AHI1: variants seen among roughly 807,000 people sequenced by gnomAD.
AHI1 encodes jouberin.
A neutral mutation model predicts 149.3 loss-of-function variants in AHI1; 123 were observed. The ratio of observed to expected loss-of-function variants is 0.82; its 90% CI spans 0.71 to 0.96. The LOEUF (loss-of-function observed/expected upper bound fraction) is 0.96, where lower values mean the gene tolerates loss of function less well. AHI1 is among the 40% of genes least tolerant of loss of function. The probability of loss-of-function intolerance (pLI) is 0.00; values close to 1 mark genes in which losing one functional copy is unlikely to be tolerated. For synonymous variants in AHI1, 475 were observed against 459.8 expected, an observed-to-expected ratio of 1.03 and a Z score of -0.42; for missense variants, 1,439 against 1,422.7, an observed-to-expected ratio of 1.01 and a Z score of -0.18.
At chr6:135,466,458 A>T (rs1790785106) in intron 6 of AHI1, 85 bp from the exon 7 acceptor site, 1 of 1,210,632 alleles carries the variant, frequency 8.3e-7, no homozygotes, top group Non-Finnish European at 1.2e-6. Flanking sequence ...ATATTTGACA[A>T]TGTGGAATTA....
intron 4 of AHI1, 108 bp from the exon 5 acceptor site, chr6:135,490,855 T>C (rs1795159297): frequency 1.5e-6 from 2 of 1,331,458 alleles, no homozygotes; most frequent in Non-Finnish European, 1.0e-6. Context: ...GCATGAGTTC[T>C]CTAGCTACAT....
chr6:135,494,633 C>CGT (rs776089861), intron 3 of AHI1, among the ~76,000 whole-genome samples: 3 of 152,092 alleles, frequency 2.0e-5, no homozygotes, highest in African/African-American at 4.8e-5. Context: ...ATTACTGTCA[C>CGT]GTGTGTGTGT....
At position 135,380,731 on chromosome 6, in the gene AHI1, A is replaced by ACC. The variant is rs752362853; in HGVS notation, c.3109+14043_3109+14044dup. ...ATTAAACATCTTTTTAAGTAAAATA[A>ACC]CCCCCCCCCCCCCAAAAAAAAAGTA... is the stretch of plus-strand genomic sequence containing the variant. On this transcript the variant is annotated intron_variant, in intron 23 of 28. Coordinates refer to ENST00000265602, the MANE Select transcript of AHI1 (RefSeq NM_001134831.2). Among the ~76,000 whole-genome samples, 295 of 56,040 alleles carry ACC rather than the reference A, an allele frequency of 5.3e-3. 5 individuals are homozygous for ACC. Among genetic ancestry groups the ACC allele is most frequent in the Non-Finnish European group, 8.2e-3 (239 of 29,088 alleles). The allele number at this position is 56,040 out of a possible 152,430, so 36.8% of individuals were successfully genotyped here.
At chr6:135,370,883 T>C (rs760347291) in intron 23 of AHI1, among the ~76,000 whole-genome samples, 4 of 152,166 alleles carry the variant, frequency 2.6e-5, no homozygotes, top group Non-Finnish European at 5.9e-5. Context: ...TGTTTTCAAT[T>C]TTACCAACAC....
chr6:135,475,100 C>A (rs947638503), intron 5 of AHI1, among the ~76,000 whole-genome samples: 23 of 152,170 alleles, frequency 1.5e-4, no homozygotes, highest in African/African-American at 5.1e-4. Flanking sequence ...ATATAATGTT[C>A]GAGTTATCTA....
chr6:135,481,679 C>A (rs1475517557), intron 5 of AHI1, among the ~76,000 whole-genome samples: 2 of 147,802 alleles, frequency 1.4e-5, no homozygotes, highest in Admixed American at 6.7e-5. Context: ...TTTTGTAAAT[C>A]AAAATTTCCA....
In AHI1 at chr6:135,427,336, A is replaced by G. The variant is rs376871565; in HGVS notation, c.2624-29T>C. Reference sequence around the variant, plus strand: ...AATAAAAAGAGAGATTCAAAAATGTATATCAGAGCATATCTGTATCGATAA... The same window carrying G: ...AATAAAAAGAGAGATTCAAAAATGTGTATCAGAGCATATCTGTATCGATAA... On this transcript the variant is annotated intron_variant, in intron 19 of 28. Transcript: ENST00000265602. 273 of 1,568,738 alleles carry G rather than the reference A, an allele frequency of 1.7e-4. No homozygotes were observed. In the African/African-American group the frequency reaches 2.8e-3, roughly 16 times the overall value.
At chr6:135,419,776 A>C (rs1482298497) in intron 20 of AHI1, among the ~76,000 whole-genome samples, 1 of 152,036 alleles carries the variant, frequency 6.6e-6, no homozygotes, top group Non-Finnish European at 1.5e-5. Context: ...CAACAATGAA[A>C]TTTGCTGCAC....
chr6:135,392,717 A>G (rs1472294650), intron 23 of AHI1, among the ~76,000 whole-genome samples: 1 of 152,150 alleles, frequency 6.6e-6, no homozygotes, highest in Non-Finnish European at 1.5e-5. Context: ...TGAACACTGA[A>G]TAGAATCACA....
At chr6:135,385,633 A>G (rs773929194) in intron 23 of AHI1, among the ~76,000 whole-genome samples, 1 of 152,218 alleles carries the variant, frequency 6.6e-6, no homozygotes, top group Non-Finnish European at 1.5e-5. Context: ...TAGATATAGA[A>G]GCTATCTGAC....
chr6:135,302,937 T>C (rs1784070382), intron 26 of AHI1: 1 of 622,014 alleles, frequency 1.6e-6, no homozygotes, highest in South Asian at 1.9e-5. Context: ...GAAAGTTGTT[T>C]TATGACTTTG....
intron 10 of AHI1, among the ~76,000 whole-genome samples, chr6:135,454,841 TCA>T (rs1175930259): frequency 6.6e-6 from 1 of 152,142 alleles, no homozygotes; most frequent in Non-Finnish European, 1.5e-5. Context: ...TTTATGTAAA[TCA>T]CACACAACAT....
In AHI1 at chr6:135,399,385, C is replaced by G. The variant is rs1237558762; in HGVS notation, c.2989-4489G>C. ...CTGCAATCCATATATCTGAATCCTT[C>G]AGTCTTCAACCGGGTACAACAAAGC... On this transcript the variant is annotated intron_variant, in intron 22 of 28. Transcript: ENST00000265602. Among the ~76,000 whole-genome samples the G allele has an allele frequency of 3.3e-5, 5 of 152,204 alleles. No homozygotes were observed. The South Asian group carries it at 1.0e-3, about 31-fold the overall frequency.
At chr6:135,494,398 G>T (rs1795688160) in intron 3 of AHI1, among the ~76,000 whole-genome samples, 1 of 152,150 alleles carries the variant, frequency 6.6e-6, no homozygotes, top group Non-Finnish European at 1.5e-5. Flanking sequence ...TATCTGAAGG[G>T]CACTGAGCAG....
At position 135,411,351 on chromosome 6, in the gene AHI1, GAC is replaced by G. The variant is rs745865021; in HGVS notation, c.2956_2957del (p.Val986HisfsTer29). On this transcript the variant is annotated frameshift_variant, in exon 21 of 29. Coordinates refer to ENST00000265602, the MANE Select transcript of AHI1 (RefSeq NM_001134831.2). LOFTEE classifies it high-confidence loss of function. ...CAACTGCATAAAATAAACTTACTGT[GAC>G]AGTTTCAAGCCTCTGTTTTACTAGC... ...MQLVKQRLET[V>X]TEVIRSCAAK... The G allele has an allele frequency of 3.7e-6, 6 of 1,606,916 alleles. No homozygotes were observed. Among genetic ancestry groups the G allele is most frequent in the Non-Finnish European group, 5.1e-6 (6 of 1,174,118 alleles).
Position 135,430,788 on chromosome 6 carries a change from C to A in AHI1, c.2373+420G>T, listed in dbSNP as rs536618201. On this transcript the variant is annotated intron_variant, in intron 17 of 28. Coordinates refer to ENST00000265602, the MANE Select transcript of AHI1 (RefSeq NM_001134831.2). Reference sequence around the variant, plus strand: ...ATTAAATGACAGATCTTCATAATAACCGCATAACTCTGAAAGACACCAGTG... The same window carrying A: ...ATTAAATGACAGATCTTCATAATAAACGCATAACTCTGAAAGACACCAGTG... 2.6e-5 allele frequency among the ~76,000 whole-genome samples: 4 copies of A among 151,966 alleles called. No individual in the cohort carries two copies. The East Asian group carries it at 7.7e-4, about 29-fold the overall frequency.
At chr6:135,454,095 T>C (rs927729595) in intron 10 of AHI1, among the ~76,000 whole-genome samples, 4 of 152,194 alleles carry the variant, frequency 2.6e-5, no homozygotes, top group South Asian at 4.1e-4. Context: ...CTGTGCTTTT[T>C]GGATACCTAA....
rs1247732022 is a variant in AHI1 at position 135,492,476 on chromosome 6, T to TA, written c.-54-186dup. On this transcript the variant is annotated intron_variant, in intron 3 of 28. Coordinates refer to ENST00000265602, the MANE Select transcript of AHI1 (RefSeq NM_001134831.2). ...GTACATTTGAATCAGTTTAGGGCTC[T>TA]AAAATCAAGGGAAACAAACTAGATC... is the stretch of plus-strand genomic sequence containing the variant. 3.3e-6 allele frequency: 4 copies of TA among 1,214,298 alleles called. No individual in the cohort carries two copies. In the African/African-American group the frequency reaches 6.2e-5, roughly 19 times the overall value. The allele number at this position is 1,214,298 out of a possible 1,614,324, so 75.2% of individuals were successfully genotyped here. A position where few individuals can be genotyped will look rare whatever the true frequency, so the allele number is the denominator to read the frequency against.
intron 24 of AHI1, among the ~76,000 whole-genome samples, chr6:135,350,107 G>C (rs1358321465): frequency 6.6e-6 from 1 of 152,144 alleles, no homozygotes; most frequent in African/African-American, 2.4e-5. Flanking sequence ...TTGGCAAAAT[G>C]CTTTCTTTTC....
Sources: allele counts gnomAD v4.1 joint callset (sites outside exome capture counted in the v4.1 genomes callset), GRCh38; gene constraint gnomAD v4.1.1; transcripts MANE v1.5; gene names NCBI Gene and HGNC (gene_info 2026-07-23, HGNC 2026-07-21).